The following ABCA5 variants were observed in gnomAD, a reference collection of about 807,000 sequenced individuals.
The protein encoded by ABCA5 is ATP binding cassette subfamily A member 5.
A neutral mutation model predicts 206.0 loss-of-function variants in ABCA5; 163 were observed. That is an observed-to-expected ratio of 0.79 (90% CI 0.70 to 0.90). The LOEUF (loss-of-function observed/expected upper bound fraction) is 0.90. Among genes scored for constraint, ABCA5 ranks in the 40% least tolerant of loss-of-function variants. ABCA5 has a pLI of 0.00. For missense variants in ABCA5, 1,859 were observed against 1,912.9 expected (o/e 0.97, Z 0.53); for synonymous variants, 609 against 613.8 (o/e 0.99, Z 0.11).
In ABCA5 at chr17:69,247,730, C is replaced by T. The variant is rs1276497943; in HGVS notation, c.4822-86G>A. 3.1e-6 allele frequency: 2 copies of T among 655,654 alleles called. 1 individual carries two copies. Among genetic ancestry groups the T allele is most frequent in the Non-Finnish European group, 5.2e-6 (2 of 385,350 alleles). The allele number at this position is 655,654 out of a possible 1,614,324, so 40.6% of individuals were successfully genotyped here. On this transcript the variant is annotated intron_variant, in intron 38 of 38. Coordinates refer to ENST00000392676, the MANE Select transcript of ABCA5 (RefSeq NM_172232.4). Reference sequence around the variant, plus strand: ...TAACTAAATCAGAAATGGTACAAGGCTATATCTAGTTATATCAACAAGTAT... The same window carrying T: ...TAACTAAATCAGAAATGGTACAAGGTTATATCTAGTTATATCAACAAGTAT...
intron 1 of ABCA5, among the ~76,000 whole-genome samples, chr17:69,322,070 C>T (rs1422478503): frequency 6.6e-6 from 1 of 152,082 alleles, no homozygotes; most frequent in South Asian, 2.1e-4. Flanking sequence ...CTTAATTTAT[C>T]TTAAAGTACT....
chr17:69,250,705 A>C lies in ABCA5; in HGVS notation c.4536-84T>G. The C allele has an allele frequency of 3.0e-6, 3 of 986,012 alleles. 1 individual carries two copies. In the South Asian group the frequency reaches 5.4e-5, roughly 18 times the overall value. The allele number at this position is 986,012 out of a possible 1,614,324, so 61.1% of individuals were successfully genotyped here. A position where few individuals can be genotyped will look rare whatever the true frequency, so the allele number is the denominator to read the frequency against. On this transcript the variant is annotated intron_variant, in intron 35 of 38. Transcript: ENST00000392676. ...TCTCACACATATAACTACATTTTAA[A>C]AAAATATACCTTTATATTTAGAGAA...
chr17:69,254,281 A>C, intron 32 of ABCA5, 34 bp downstream of exon 32: 1 of 1,531,910 alleles, frequency 6.5e-7, no homozygotes, highest in Non-Finnish European at 8.8e-7. Flanking sequence ...CTTTCCTCTA[A>C]GTAACAAAAG....
At chr17:69,262,092 G>A (rs9895649) in intron 24 of ABCA5, among the ~76,000 whole-genome samples, 13,577 of 152,032 alleles carry the variant, frequency 0.089, 646 homozygotes, top group Non-Finnish European at 0.097. Flanking sequence ...TTTACTTTCA[G>A]CATCAACCTC....
At chr17:69,298,221 A>AAGGTAGGTAGGTAGGT (rs757307976) in intron 9 of ABCA5, among the ~76,000 whole-genome samples, 2,170 of 68,360 alleles carry the variant, frequency 0.032, 59 homozygotes, top group South Asian at 0.055. Context: ...GGAAGGAAGG[A>AAGGTAGGTAGGTAGGT]AGGTAGGTAG....
Position 69,313,181 on chromosome 17 carries a change from G to T in ABCA5, c.218C>A (p.Thr73Asn). Residue 73 changes from threonine (T) to asparagine (N), a missense_variant, in exon 3 of 39, where the codon ACT (threonine) becomes AAT (asparagine). Physicochemically the swap from Thr to Asn is moderately conservative, Grantham distance 65. Transcript: ENST00000392676. ...NIELNPMDKF[T>N]LSNLILGYTP... Reference sequence around the variant, plus strand: ...ATATCCAAGAATTAGATTAGAAAGAGTAAACTTGTCCATAGGATTGAGTTC... The same window carrying T: ...ATATCCAAGAATTAGATTAGAAAGATTAAACTTGTCCATAGGATTGAGTTC... The T allele has an allele frequency of 6.2e-7, 1 of 1,604,790 alleles. No homozygotes were observed. Among genetic ancestry groups the T allele is most frequent in the Non-Finnish European group, 8.5e-7 (1 of 1,172,336 alleles).
At chr17:69,288,707 T>TAAA (rs56289033) in intron 14 of ABCA5, among the ~76,000 whole-genome samples, 10 of 107,176 alleles carry the variant, frequency 9.3e-5, no homozygotes, top group African/African-American at 3.7e-4. Flanking sequence ...CTCTACAAAT[T>TAAA]AAAAAAAAAA....
chr17:69,253,690 G>A, intron 33 of ABCA5, 23 bp from the exon 34 acceptor site: 2 of 1,601,992 alleles, frequency 1.2e-6, no homozygotes, highest in Non-Finnish European at 1.7e-6. Flanking sequence ...AAAAAGATGG[G>A]TGGGAAATTA....
intron 37 of ABCA5, chr17:69,249,701 G>C (rs906544436): frequency 3.5e-6 from 2 of 568,330 alleles, no homozygotes; most frequent in East Asian, 6.1e-5. Context: ...ATGAATAAAA[G>C]GTTATCTTCT....
At chr17:69,307,668 C>T (rs2075731923) in intron 5 of ABCA5, among the ~76,000 whole-genome samples, 1 of 152,020 alleles carries the variant, frequency 6.6e-6, no homozygotes, top group African/African-American at 2.4e-5. Flanking sequence ...CAAAAGTTTA[C>T]AAGACAATTA....
At chr17:69,298,661 G>A (rs577580669) in intron 9 of ABCA5, among the ~76,000 whole-genome samples, 4 of 150,542 alleles carry the variant, frequency 2.7e-5, no homozygotes, top group Admixed American at 2.0e-4. Context: ...GAATGAAACT[G>A]GATCCTCATC....
chr17:69,259,710 A>T lies in ABCA5; in HGVS notation c.3727T>A (p.Phe1243Ile). ...ATTTTTAAAAAATCAACTGACCTGA[A>T]AAAGGGATCTTTTCTTATTGATCTG... ...GGRSIRKDPF[F>I]RNLSTKSKNR... is the part of the protein sequence containing the mutation. The change falls in exon 28 of 39, where the codon TTC becomes ATC. Residue 1243 changes from phenylalanine (F) to isoleucine (I), a missense_variant. By Grantham distance (21) the Phe-to-Ile change is conservative. Transcript: ENST00000392676. The T allele has an allele frequency of 6.3e-7, 1 of 1,595,552 alleles. No homozygotes were observed. The highest frequency in any genetic ancestry group is 8.6e-7 in the Non-Finnish European group (1 of 1,166,354).
chr17:69,318,178 C>G (rs2075833165), intron 1 of ABCA5, among the ~76,000 whole-genome samples: 1 of 150,928 alleles, frequency 6.6e-6, no homozygotes, highest in Non-Finnish European at 1.5e-5. Flanking sequence ...ATGGCACAGT[C>G]TCGGCTCCTG....
intron 5 of ABCA5, among the ~76,000 whole-genome samples, chr17:69,307,874 T>C (rs1209053800): frequency 6.6e-6 from 1 of 152,136 alleles, no homozygotes; most frequent in Non-Finnish European, 1.5e-5. Context: ...ATTTTGAAAT[T>C]ACAATATTTT....
chr17:69,296,550 A>G (rs915008364), intron 10 of ABCA5, among the ~76,000 whole-genome samples: 6 of 152,244 alleles, frequency 3.9e-5, no homozygotes, highest in African/African-American at 1.4e-4. Context: ...AAAACAATGT[A>G]GCATGAACAA....
Position 69,284,063 on chromosome 17 carries a change from GA to G in ABCA5, c.2281del (p.Ser761LeufsTer3), listed in dbSNP as rs756218985. On this transcript the variant is annotated frameshift_variant, in exon 18 of 39. Transcript: ENST00000392676. LOFTEE classifies it high-confidence loss of function. ...CAAATTTGAATGACTGTCTAGGGCA[GA>G]AAACAAACCTAAAAGAAAAAAATGA... Reference protein sequence around the residue: ...KDMDKFSGLFSALDSHSNLGV... With the variant: ...KDMDKFSGLFXALDSHSNLGV... 1.4e-5 allele frequency: 22 copies of G among 1,562,498 alleles called. No homozygotes were observed. Among genetic ancestry groups the G allele is most frequent in the Non-Finnish European group, 1.8e-5 (21 of 1,159,730 alleles).
rs1379628261 is a variant in ABCA5 at position 69,302,880 on chromosome 17, A to G, written c.957T>C (p.Pro319=). The change falls in exon 8 of 39, where the codon CCT becomes CCC. Residue 319 remains proline, a synonymous_variant. Transcript: ENST00000392676. ...CCACATGTTTTGATTTTTTAAAAAG[A>G]GGTGTCAGCATTAAAGCAAAAAATA... ...SSVFFALMLT[P]LFKKSKHVGI... is the part of the protein sequence containing the mutation. 3 of 1,555,174 alleles carry G rather than the reference A, an allele frequency of 1.9e-6. No individual in the cohort carries two copies. In the African/African-American group the frequency reaches 4.2e-5, roughly 22 times the overall value.
intron 19 of ABCA5, among the ~76,000 whole-genome samples, chr17:69,276,111 G>T (rs568148728): frequency 3.3e-5 from 5 of 151,544 alleles, no homozygotes; most frequent in Admixed American, 2.6e-4. Context: ...GGGCAGGGAC[G>T]GAGTCTCACT....
intron 37 of ABCA5, 55 bp from the exon 38 acceptor site, chr17:69,248,372 T>TAAA: frequency 9.5e-7 from 1 of 1,055,936 alleles, no homozygotes; most frequent in Admixed American, 2.2e-5. Context: ...AAAATGGCAA[T>TAAA]ACCTACCAAA....
Sources: gnomAD v4.1 joint callset for allele counts (sites outside exome capture counted in the v4.1 genomes callset) on GRCh38, gnomAD v4.1.1 for gene constraint, MANE v1.5 for transcripts, NCBI Gene and HGNC (gene_info 2026-07-23, HGNC 2026-07-21) for gene names.